The following STOX2 variants were observed in gnomAD, a reference collection of about 807,000 sequenced individuals.
STOX2 encodes the protein storkhead-box protein 2.
Under a neutral mutation model 60.9 loss-of-function variants are expected in STOX2, and 28 were observed. The observed-to-expected ratio is 0.46, with a 90% confidence interval of 0.34 to 0.63. The LOEUF is 0.63. Among genes scored for constraint, STOX2 ranks in the 30% least tolerant of loss-of-function variants. The probability of loss-of-function intolerance (pLI) is 0.01; values close to 1 mark genes in which losing one functional copy is unlikely to be tolerated. For synonymous variants in STOX2, 472 were observed against 463.9 expected, an observed-to-expected ratio of 1.02 and a Z score of -0.22; for missense variants, 1,024 against 1,187.7, an observed-to-expected ratio of 0.86 and a Z score of 2.03.
At chr4:183,941,305 C>T (rs1742747371) in intron 1 of STOX2, among the ~76,000 whole-genome samples, 1 of 152,168 alleles carries the variant, frequency 6.6e-6, no homozygotes, top group Admixed American at 6.5e-5. Flanking sequence ...CGGTGGCTCA[C>T]ACCTGTAATC....
intron 1 of STOX2, among the ~76,000 whole-genome samples, chr4:183,876,404 G>A (rs570503709): frequency 6.6e-6 from 1 of 152,344 alleles, no homozygotes; most frequent in South Asian, 2.1e-4. Flanking sequence ...CTCCTGGTTG[G>A]CTCTGACCAG....
At chr4:183,799,803 T>C (rs1375043338) in intron 1 of STOX2, among the ~76,000 whole-genome samples, 2 of 152,170 alleles carry the variant, frequency 1.3e-5, no homozygotes, top group African/African-American at 4.8e-5. Flanking sequence ...CAAAGAGAAA[T>C]ATTTTGGCAA....
chr4:184,017,503 G>A lies in STOX2; in HGVS notation c.*219G>A, dbSNP rs1233370324. ...GCTCTGTAGCAACTGAGTAACAGTA[G>A]GGGTGATATGTATACTTTTGCTTCA... is the stretch of plus-strand genomic sequence containing the variant. On this transcript the variant is annotated 3_prime_UTR_variant, in exon 4 of 4. Transcript: ENST00000308497. The A allele has an allele frequency of 4.3e-6, 2 of 468,786 alleles. No individual in the cohort carries two copies. Among genetic ancestry groups the A allele is most frequent in the Non-Finnish European group, 7.6e-6 (2 of 264,854 alleles). The allele number at this position is 468,786 out of a possible 1,614,324, so 29.0% of individuals were successfully genotyped here. A position where few individuals can be genotyped will look rare whatever the true frequency, so the allele number is the denominator to read the frequency against.
At chr4:183,816,212 C>CTAAA (rs1739149959) in intron 1 of STOX2, among the ~76,000 whole-genome samples, 1 of 152,158 alleles carries the variant, frequency 6.6e-6, no homozygotes, top group Non-Finnish European at 1.5e-5. Flanking sequence ...TAGCCTTAGT[C>CTAAA]ATAAAAGTCT....
chr4:183,984,764 A>G (rs1579505121), intron 1 of STOX2, among the ~76,000 whole-genome samples: 3 of 152,152 alleles, frequency 2.0e-5, no homozygotes, highest in East Asian at 1.9e-4. Flanking sequence ...CACTTCATCA[A>G]CTGAGCAAAT....
intron 1 of STOX2, among the ~76,000 whole-genome samples, chr4:184,000,083 T>C (rs1345435324): frequency 6.6e-6 from 1 of 152,192 alleles, no homozygotes; most frequent in African/African-American, 2.4e-5. Flanking sequence ...GTGTAGGACA[T>C]CTTTTCAAAT....
chr4:183,878,396 T>A (rs1030330621), intron 1 of STOX2, among the ~76,000 whole-genome samples: 15 of 152,238 alleles, frequency 9.9e-5, no homozygotes, highest in African/African-American at 3.6e-4. Flanking sequence ...TCATTGGTGG[T>A]TTTGGCCACG....
Position 183,906,496 on chromosome 4 carries a change from G to T in STOX2, c.-295G>T, listed in dbSNP as rs1220959457. 5.3e-6 allele frequency: 1 copy of T among 188,048 alleles called. No individual in the cohort carries two copies. Among genetic ancestry groups the T allele is most frequent in the Non-Finnish European group, 1.1e-5 (1 of 92,026 alleles). 11.6% of individuals were successfully genotyped at this position (188,048 alleles called of 1,614,324 possible). On this transcript the variant is annotated 5_prime_UTR_variant, in exon 1 of 4. Transcript: ENST00000308497. ...CCCTCCCCGCCTCCTCCCGGCCGGGGAGCCTCCTAACGTGCCTTTCCCCCC... is the reference window on the plus strand; with the variant it reads ...CCCTCCCCGCCTCCTCCCGGCCGGGTAGCCTCCTAACGTGCCTTTCCCCCC...
At chr4:183,912,049 G>T (rs376058179) in intron 1 of STOX2, among the ~76,000 whole-genome samples, 1 of 152,114 alleles carries the variant, frequency 6.6e-6, no homozygotes, top group East Asian at 1.9e-4. Flanking sequence ...ACATCAGAAG[G>T]CGTGTGCAAC....
rs1437414424 is a variant in STOX2 at position 183,827,890 on chromosome 4, AAAAG to A, written c.364+29843_364+29846del. 2.0e-5 allele frequency among the ~76,000 whole-genome samples: 3 copies of A among 151,200 alleles called. No homozygotes were observed. In the East Asian group the frequency reaches 5.8e-4, roughly 29 times the overall value. On this transcript the variant is annotated intron_variant, in intron 1 of 2. Transcript: ENST00000513034. ...AAATCCTGCCTCAAAAAAAAAAAAA[AAAAG>A]AAAGAAAAAAAGACGGCCTTTATTG...
chr4:183,998,057 C>T (rs894010711), intron 1 of STOX2, among the ~76,000 whole-genome samples: 5 of 152,140 alleles, frequency 3.3e-5, no homozygotes, highest in South Asian at 2.1e-4. Context: ...ACAGAGAGTT[C>T]GAGTTTCCTC....
chr4:183,798,843 C>G (rs78839475), intron 1 of STOX2: 129,839 of 982,856 alleles, frequency 0.13, 9,163 homozygotes, highest in Non-Finnish European at 0.14. Flanking sequence ...CCTCCTTAAT[C>G]CAGTTTGCAT....
chr4:183,881,639 T>C (rs764795079), intron 1 of STOX2, among the ~76,000 whole-genome samples: 1 of 152,208 alleles, frequency 6.6e-6, no homozygotes, highest in African/African-American at 2.4e-5. Context: ...CAGCGGGGCA[T>C]AGAAAAACCT....
intron 1 of STOX2, among the ~76,000 whole-genome samples, chr4:183,874,156 A>G (rs1482354487): frequency 1.3e-5 from 2 of 152,184 alleles, no homozygotes; most frequent in African/African-American, 4.8e-5. Context: ...GGCAAGAAAC[A>G]GATTGCAGAG....
chr4:183,907,105 T>C (rs577873719), intron 1 of STOX2, 149 bp downstream of exon 1: 1 of 654,880 alleles, frequency 1.5e-6, no homozygotes, highest in Admixed American at 3.2e-5. Context: ...CCATCCACCA[T>C]TTTGTACCTC....
chr4:183,872,087 A>G (rs1740706156), intron 1 of STOX2, among the ~76,000 whole-genome samples: 1 of 151,710 alleles, frequency 6.6e-6, no homozygotes, highest in East Asian at 1.9e-4. Context: ...ACAGAGTCTC[A>G]CTCTGTTGCC....
chr4:184,000,336 C>G (rs927489751), intron 1 of STOX2, among the ~76,000 whole-genome samples: 2 of 152,198 alleles, frequency 1.3e-5, no homozygotes, highest in Non-Finnish European at 2.9e-5. Flanking sequence ...GTCCATCACC[C>G]CTCCGATGCA....
intron 1 of STOX2, among the ~76,000 whole-genome samples, chr4:183,839,388 A>G (rs975346536): frequency 3.9e-5 from 6 of 152,212 alleles, no homozygotes; most frequent in Non-Finnish European, 8.8e-5. Flanking sequence ...TTTGGGTGCC[A>G]CTGACTTTAA....
At chr4:183,815,154 A>T (rs935785883) in intron 1 of STOX2, among the ~76,000 whole-genome samples, 6 of 151,514 alleles carry the variant, frequency 4.0e-5, no homozygotes, top group African/African-American at 1.5e-4. Context: ...CACCATGCCC[A>T]GCTAATTTTT....
Sources: gnomAD v4.1 joint callset for allele counts (sites outside exome capture counted in the v4.1 genomes callset) on GRCh38, gnomAD v4.1.1 for gene constraint, MANE v1.5 for transcripts, NCBI Gene and HGNC (gene_info 2026-07-23, HGNC 2026-07-21) for gene names.